SV2B: variants seen among roughly 807,000 people sequenced by gnomAD.
SV2B encodes synaptic vesicle glycoprotein 2B.
In SV2B, 41 loss-of-function variants were observed where a neutral mutation model predicts 73.9. That is an observed-to-expected ratio of 0.56 (90% CI 0.43 to 0.72). The LOEUF is 0.72. Among genes scored for constraint, SV2B ranks in the 30% least tolerant of loss-of-function variants. SV2B has a pLI of 0.00. For synonymous variants in SV2B, 314 were observed against 314.2 expected (o/e 1.00, Z 0.01); for missense variants, 764 against 857.8 (o/e 0.89, Z 1.37).
At chr15:91,208,311 C>T (rs1211064329) in intron 1 of SV2B, among the ~76,000 whole-genome samples, 1 of 151,698 alleles carries the variant, frequency 6.6e-6, no homozygotes, top group African/African-American at 2.4e-5. Flanking sequence ...CAGATAACCT[C>T]TTTTTTCTTA....
At chr15:91,226,861 T>G (rs2046401090) in intron 2 of SV2B, 147 bp downstream of exon 2, 2 of 1,000,512 alleles carry the variant, frequency 2.0e-6, no homozygotes, top group Non-Finnish European at 2.8e-6. Context: ...AATCAATTGA[T>G]TGACTTAAGT....
chr15:91,115,515 G>C lies in SV2B; in HGVS notation c.-392+15152G>C, dbSNP rs1347248135. Among the ~76,000 whole-genome samples, 1 of 151,790 alleles carries C rather than the reference G, an allele frequency of 6.6e-6. No homozygotes were observed. Among genetic ancestry groups the C allele is most frequent in the Non-Finnish European group, 1.5e-5 (1 of 67,972 alleles). ...GTCTCCTGAGTAGCTGGGACCACAG[G>C]CACCCACCATCATGCCTGGCTATTT... On this transcript the variant is annotated intron_variant, in intron 1 of 12. Coordinates refer to ENST00000394232, the MANE Select transcript of SV2B (RefSeq NM_001323032.3). This position sits in a 1 kb window ranked among gnomAD's most constrained non-coding sequence, Gnocchi z 4.3.
intron 1 of SV2B, among the ~76,000 whole-genome samples, chr15:91,191,264 C>A (rs1319481659): frequency 1.3e-5 from 2 of 151,796 alleles, no homozygotes; most frequent in African/African-American, 2.4e-5. Context: ...TTGACAAAAA[C>A]TCCCTCTTTG....
intron 1 of SV2B, among the ~76,000 whole-genome samples, chr15:91,216,359 C>G (rs1029432974): frequency 2.0e-5 from 3 of 152,158 alleles, no homozygotes; most frequent in Admixed American, 6.5e-5. Context: ...TAGCTGGGAA[C>G]TTGTGGATGT....
chr15:91,142,020 C>G (rs1313206560), intron 1 of SV2B, among the ~76,000 whole-genome samples: 3 of 152,094 alleles, frequency 2.0e-5, no homozygotes, highest in African/African-American at 7.2e-5. Flanking sequence ...TCATTTCAGC[C>G]TAGATGTTAG....
rs574490043 is a variant in SV2B at position 91,236,027 on chromosome 15, G to A, written c.451+9313G>A. On this transcript the variant is annotated intron_variant, in intron 2 of 12. Coordinates refer to ENST00000394232, the MANE Select transcript of SV2B (RefSeq NM_001323032.3). The surrounding 1 kb of genome is among the most constrained non-coding windows in gnomAD (Gnocchi z 4.1). ...CTTTGCTCAGGATCTGCACACAGTA[G>A]GTGCTTAGTCAGTACTCATCCTGCT... is the stretch of plus-strand genomic sequence containing the variant. Among the ~76,000 whole-genome samples the A allele has an allele frequency of 1.1e-4, 16 of 152,296 alleles. No individual in the cohort carries two copies. The South Asian group carries it at 2.7e-3, about 26-fold the overall frequency.
intron 2 of SV2B, among the ~76,000 whole-genome samples, chr15:91,235,180 T>C (rs747379099): frequency 2.6e-5 from 4 of 152,198 alleles, no homozygotes; most frequent in Non-Finnish European, 5.9e-5. Context: ...AACTAGTCTT[T>C]AGAGGTAATA....
intron 4 of SV2B, among the ~76,000 whole-genome samples, chr15:91,254,003 T>C (rs1007449593): frequency 3.3e-5 from 5 of 152,208 alleles, no homozygotes; most frequent in Non-Finnish European, 1.5e-5. Flanking sequence ...GTCATTCTAG[T>C]TCTCCATAAT....
At chr15:91,204,556 C>CTTTTTT (rs568973449) in intron 1 of SV2B, among the ~76,000 whole-genome samples, 33 of 127,798 alleles carry the variant, frequency 2.6e-4, no homozygotes, top group African/African-American at 2.9e-4. Context: ...TCTTCTTCTT[C>CTTTTTT]TTTTTTTTTT....
rs1313349888 is a variant in SV2B, at chr15:91,122,005, A to C, written c.-392+21642A>C. On this transcript the variant is annotated intron_variant, in intron 1 of 12. Coordinates refer to ENST00000394232, the MANE Select transcript of SV2B (RefSeq NM_001323032.3). The surrounding 1 kb of genome is among the most constrained non-coding windows in gnomAD (Gnocchi z 4.3). ...TAGCCAGGATGGTCTCGATCTCCTG[A>C]CTTCATGATTCGCCTGCCTTGGCCT... Among the ~76,000 whole-genome samples, 1 of 152,048 alleles carries C rather than the reference A, an allele frequency of 6.6e-6. No homozygotes were observed. Among genetic ancestry groups the C allele is most frequent in the African/African-American group, 2.4e-5 (1 of 41,390 alleles).
chr15:91,150,457 G>T (rs1228854773), intron 1 of SV2B, among the ~76,000 whole-genome samples: 2 of 152,138 alleles, frequency 1.3e-5, no homozygotes, highest in African/African-American at 4.8e-5. Flanking sequence ...TAACTTTCAG[G>T]TAGCTGCTAA....
At chr15:91,199,710 G>A (rs574591085) in intron 1 of SV2B, among the ~76,000 whole-genome samples, 2 of 152,342 alleles carry the variant, frequency 1.3e-5, no homozygotes, top group African/African-American at 4.8e-5. Context: ...CCCAGGTGGG[G>A]TGGGGAAGCC....
chr15:91,121,991 G>C lies in SV2B; in HGVS notation c.-392+21628G>C, dbSNP rs893781835. 6.6e-6 allele frequency among the ~76,000 whole-genome samples: 1 copy of C among 152,032 alleles called. No individual in the cohort carries two copies. The highest frequency in any genetic ancestry group is 1.5e-5 in the Non-Finnish European group (1 of 67,992). On this transcript the variant is annotated intron_variant, in intron 1 of 12. Coordinates refer to ENST00000394232, the MANE Select transcript of SV2B (RefSeq NM_001323032.3). The surrounding 1 kb of genome is among the most constrained non-coding windows in gnomAD (Gnocchi z 4.4). ...GGGTTTCACCATGTTAGCCAGGATG[G>C]TCTCGATCTCCTGACTTCATGATTC...
At chr15:91,204,494 T>C (rs1387392771) in intron 1 of SV2B, among the ~76,000 whole-genome samples, 5 of 152,090 alleles carry the variant, frequency 3.3e-5, no homozygotes, top group Non-Finnish European at 5.9e-5. Flanking sequence ...TAGTTTTTTT[T>C]TGAGATTTAC....
intron 1 of SV2B, among the ~76,000 whole-genome samples, chr15:91,149,448 C>T (rs1396273950): frequency 6.6e-6 from 1 of 152,160 alleles, no homozygotes; most frequent in Non-Finnish European, 1.5e-5. Flanking sequence ...ATGTTTTGAC[C>T]TGTAGGACTT....
intron 1 of SV2B, among the ~76,000 whole-genome samples, chr15:91,222,542 G>A (rs2046253262): frequency 6.6e-6 from 1 of 152,158 alleles, no homozygotes; most frequent in East Asian, 1.9e-4. Flanking sequence ...GGACATGTTT[G>A]TTGAAGATGG....
intron 1 of SV2B, among the ~76,000 whole-genome samples, chr15:91,111,828 G>A (rs766308349): frequency 1.3e-5 from 2 of 152,158 alleles, no homozygotes; most frequent in Non-Finnish European, 2.9e-5. Context: ...AAGGCAAAGA[G>A]ACAGCAGGCA....
intron 1 of SV2B, among the ~76,000 whole-genome samples, chr15:91,144,541 T>C (rs1318337924): frequency 6.6e-6 from 1 of 152,208 alleles, no homozygotes; most frequent in Non-Finnish European, 1.5e-5. Context: ...TATAATACTT[T>C]CTTAATAATT....
intron 1 of SV2B, among the ~76,000 whole-genome samples, chr15:91,162,459 A>G (rs1380596940): frequency 6.6e-6 from 1 of 152,242 alleles, no homozygotes; most frequent in East Asian, 1.9e-4. Flanking sequence ...GGAAAGCTGT[A>G]TATTATTGTA....
Sources: gnomAD v4.1 joint callset for allele counts (sites outside exome capture counted in the v4.1 genomes callset) on GRCh38, gnomAD v4.1.1 for gene constraint, Gnocchi (gnomAD v3.1) non-coding constraint, MANE v1.5 for transcripts, NCBI Gene and HGNC (gene_info 2026-07-23, HGNC 2026-07-21) for gene names.